Variants in CPNE7 observed in about 807,000 individuals in gnomAD.
CPNE7 encodes the protein copine-7.
In CPNE7, 78 loss-of-function variants were observed where a neutral mutation model predicts 66.5. The observed-to-expected ratio is 1.17, with a 90% CI of 0.98 to 1.42. The LOEUF (loss-of-function observed/expected upper bound fraction) is 1.42. Among genes scored for constraint, CPNE7 ranks in the 40% most tolerant of loss-of-function variants. The probability of loss-of-function intolerance (pLI) is 0.00; values close to 1 mark genes in which losing one functional copy is unlikely to be tolerated. For synonymous variants in CPNE7, 468 were observed against 336.7 expected (o/e 1.39, Z -4.27); for missense variants, 1,012 against 776.6 (o/e 1.30, Z -3.60).
In CPNE7 at chr16:89,596,541, G is replaced by C. The variant is rs375481591; in HGVS notation, c.1597G>C (p.Glu533Gln). The change falls in exon 15 of 15, where the codon GAG becomes CAG. Residue 533 changes from glutamate to glutamine, a missense_variant. Coordinates refer to ENST00000319518, the MANE Select transcript of CPNE7 (RefSeq NM_153636.3). ...VLAEVPKQVV[E>Q]YYSHRGLPPR... ...GGCCGAGGTCCCGAAGCAGGTGGTG[G>C]AGTACTACAGCCACAGAGGCCTGCC... is the stretch of plus-strand genomic sequence containing the variant. 4.3e-6 allele frequency: 7 copies of C among 1,609,816 alleles called. No homozygotes were observed. The African/African-American group carries it at 8.0e-5, about 18-fold the overall frequency.
chr16:89,595,896 C>T (rs1435691769), intron 14 of CPNE7: 13 of 579,752 alleles, frequency 2.2e-5, no homozygotes, highest in Middle Eastern at 2.6e-4. Context: ...CCAACCTCTG[C>T]GACCCGGCGA....
At position 89,591,271 on chromosome 16, in the gene CPNE7, G is replaced by T; in HGVS notation, c.1302+11G>T. ...ACCGGGAAAGCCTCTGTAGGTGCCC[G>T]GGGGGTGTGGTGCATGCTTGGTGTG... On this transcript the variant is annotated intron_variant, in intron 13 of 14. Coordinates refer to ENST00000319518, the MANE Select transcript of CPNE7 (RefSeq NM_153636.3). 2 of 1,557,986 alleles carry T rather than the reference G, an allele frequency of 1.3e-6. No individual in the cohort carries two copies. The highest frequency in any genetic ancestry group is 1.4e-5 in the African/African-American group (1 of 74,066).
chr16:89,587,432 C>T lies in CPNE7; in HGVS notation c.927+330C>T, dbSNP rs1256139042. 1.0e-5 allele frequency: 4 copies of T among 391,066 alleles called. No homozygotes were observed. In the East Asian group the frequency reaches 3.0e-4, roughly 30 times the overall value. The allele number at this position is 391,066 out of a possible 1,614,324, so 24.2% of individuals were successfully genotyped here. ...CGTGAGCCGATGTCTCCATGCGCGG[C>T]TCCTGGGGGTCCTCCCTTTTGCGCA... is the stretch of plus-strand genomic sequence containing the variant. On this transcript the variant is annotated intron_variant, in intron 9 of 14. Transcript: ENST00000319518.
At chr16:89,590,830 G>A (rs1299049418) in intron 11 of CPNE7, among the ~76,000 whole-genome samples, 177 bp from the exon 12 acceptor site, 2 of 77,522 alleles carry the variant, frequency 2.6e-5, no homozygotes, top group African/African-American at 1.1e-4. Context: ...CCGGGGACGG[G>A]GGGAGCAGCT....
At chr16:89,580,668 C>G (rs2058940411) in intron 2 of CPNE7, among the ~76,000 whole-genome samples, 2 of 138,602 alleles carry the variant, frequency 1.4e-5, no homozygotes, top group African/African-American at 2.7e-5. Flanking sequence ...CATGGAACAT[C>G]CCATCACCCA....
intron 13 of CPNE7, among the ~76,000 whole-genome samples, chr16:89,592,108 G>A (rs189490548): frequency 0.11 from 15,883 of 145,654 alleles, 1,034 homozygotes; most frequent in South Asian, 0.2. Flanking sequence ...TCCCAGGTTC[G>A]CGCCATTCTC....
chr16:89,587,488 C>G (rs1597707915), intron 9 of CPNE7: 1 of 446,792 alleles, frequency 2.2e-6, no homozygotes. Context: ...GTTCAGGAAG[C>G]AGCCCCAAGC....
chr16:89,588,891 CT>C, intron 10 of CPNE7, 83 bp downstream of exon 10: 7 of 1,559,454 alleles, frequency 4.5e-6, no homozygotes, highest in Admixed American at 1.7e-5. Context: ...CCTCACCCCC[CT>C]GGTCTCCAGG....
intron 2 of CPNE7, among the ~76,000 whole-genome samples, chr16:89,580,850 C>T (rs2058944514): frequency 6.8e-6 from 1 of 147,910 alleles, no homozygotes. Flanking sequence ...TCACACGGAA[C>T]ATCCCATCAC....
Position 89,596,628 on chromosome 16 carries a change from G to A in CPNE7, c.*7G>A, listed in dbSNP as rs1201893487. 3.1e-6 allele frequency: 5 copies of A among 1,593,610 alleles called. No homozygotes were observed. The highest frequency in any genetic ancestry group is 2.2e-5 in the East Asian group (1 of 44,572). On this transcript the variant is annotated 3_prime_UTR_variant, in exon 15 of 15. Transcript: ENST00000319518. ...CCCAGGCTGCACACCGTGAAGATGT[G>A]GAGGGCGTAGGGTGGGGGCAGTGAG... is the stretch of plus-strand genomic sequence containing the variant.
At chr16:89,579,476 G>A (rs543278834) in intron 2 of CPNE7, among the ~76,000 whole-genome samples, 1 of 149,748 alleles carries the variant, frequency 6.7e-6, no homozygotes, top group African/African-American at 2.5e-5. Context: ...TGCTGACACG[G>A]AACATCCGAT....
chr16:89,577,272 C>T (rs2058875153), intron 1 of CPNE7, among the ~76,000 whole-genome samples: 1 of 152,140 alleles, frequency 6.6e-6, no homozygotes. Flanking sequence ...GATCTCGCCC[C>T]CGACTCAGCG....
chr16:89,586,764 G>T lies in CPNE7; in HGVS notation c.867+8G>T. On this transcript the variant is annotated splice_region_variant and intron_variant, in intron 8 of 14. Transcript: ENST00000319518. ...GTCCTGGCTGACCTCAAGGTGAGAG[G>T]TGGCTGTGCCCGAAGCCTCCCCACC... The T allele has an allele frequency of 6.2e-7, 1 of 1,611,298 alleles. No homozygotes were observed. The highest frequency in any genetic ancestry group is 1.3e-5 in the African/African-American group (1 of 74,792).
rs2059264460 is a variant in CPNE7, at chr16:89,596,823, G to GC, written c.*207dup. The GC allele has an allele frequency of 1.8e-6, 1 of 560,182 alleles. No individual in the cohort carries two copies. Among genetic ancestry groups the GC allele is most frequent in the Non-Finnish European group, 2.9e-6 (1 of 348,650 alleles). The allele number at this position is 560,182 out of a possible 1,614,324, so 34.7% of individuals were successfully genotyped here. A position where few individuals can be genotyped will look rare whatever the true frequency, so the allele number is the denominator to read the frequency against. On this transcript the variant is annotated 3_prime_UTR_variant, in exon 15 of 15. Transcript: ENST00000319518. ...AAGGCCGAAGGGTGACAAAATACAG[G>GC]CCCCCATGCCTGGCCCTGCCTGAGC...
chr16:89,593,092 C>T (rs569866486), intron 13 of CPNE7, among the ~76,000 whole-genome samples: 44 of 151,968 alleles, frequency 2.9e-4, no homozygotes, highest in African/African-American at 1.0e-3. Flanking sequence ...GATGGGATTA[C>T]AGGTGTGAGC....
intron 13 of CPNE7, among the ~76,000 whole-genome samples, chr16:89,592,912 A>G (rs1042614978): frequency 1.4e-5 from 2 of 138,500 alleles, no homozygotes; most frequent in African/African-American, 5.6e-5. Context: ...TCCCGGGTTC[A>G]CGCCATTCTC....
chr16:89,585,823 C>A, intron 7 of CPNE7, 38 bp downstream of exon 7: 1 of 114,524 alleles, frequency 8.7e-6, no homozygotes, highest in Non-Finnish European at 1.6e-5. Flanking sequence ...CAGGGAGGGT[C>A]AGGTGGGGGT....
At chr16:89,576,874 G>A (rs1002525406) in intron 1 of CPNE7, among the ~76,000 whole-genome samples, 7 of 152,222 alleles carry the variant, frequency 4.6e-5, no homozygotes, top group African/African-American at 1.4e-4. Context: ...CGCCCTCACC[G>A]CCTGTCCCCA....
intron 13 of CPNE7, among the ~76,000 whole-genome samples, chr16:89,591,821 C>T (rs1311191835): frequency 6.6e-6 from 1 of 151,984 alleles, no homozygotes; most frequent in South Asian, 2.1e-4. Flanking sequence ...CTGCCTCAGC[C>T]TCCCAAGGAG....
Sources: allele counts gnomAD v4.1 joint callset (sites outside exome capture counted in the v4.1 genomes callset), GRCh38; gene constraint gnomAD v4.1.1; transcripts MANE v1.5; gene names NCBI Gene and HGNC (gene_info 2026-07-23, HGNC 2026-07-21).